Variants in SUCLG2 observed in about 807,000 individuals in gnomAD.
SUCLG2 encodes the protein succinate-CoA ligase GDP-forming subunit beta, also known as succinate--CoA ligase [GDP-forming] subunit beta, mitochondrial.
SUCLG2 carries 42 observed loss-of-function variants against 47.9 expected under a neutral mutation model. That is an observed-to-expected ratio of 0.88 (90% confidence interval 0.69 to 1.14). The LOEUF (loss-of-function observed/expected upper bound fraction) is 1.14. Ranked by LOEUF, SUCLG2 falls within the 50% of genes most tolerant of loss-of-function variation. The probability of loss-of-function intolerance (pLI) is 0.00; values close to 1 mark genes in which losing one functional copy is unlikely to be tolerated. For synonymous variants in SUCLG2, 195 were observed against 197.3 expected (o/e 0.99, Z 0.10); for missense variants, 571 against 525.9 (o/e 1.09, Z -0.84).
At chr3:67,615,269 T>C (rs912430948) in intron 1 of SUCLG2, among the ~76,000 whole-genome samples, 4 of 148,536 alleles carry the variant, frequency 2.7e-5, no homozygotes, top group Non-Finnish European at 5.9e-5. Flanking sequence ...AAAAATGACA[T>C]GCCCAAGAAA....
rs1415377366 is a variant in SUCLG2, at chr3:67,360,466, C to G, written c.*163G>C. 1.0e-5 allele frequency: 7 copies of G among 666,740 alleles called. No individual in the cohort carries two copies. The East Asian group carries it at 2.0e-4, about 19-fold the overall frequency. 41.3% of individuals were successfully genotyped at this position (666,740 alleles called of 1,614,324 possible). ...CTTGCATACATTACCTACCTGGACA[C>G]AATTCTAAAATATTTTTGGTGAATG... On this transcript the variant is annotated 3_prime_UTR_variant, in exon 11 of 11. Transcript: ENST00000493112.
At chr3:67,467,716 G>A (rs1304803584) in intron 9 of SUCLG2, among the ~76,000 whole-genome samples, 1 of 152,064 alleles carries the variant, frequency 6.6e-6, no homozygotes, top group Admixed American at 6.6e-5. Context: ...TATGGTAGGA[G>A]ACGTATATGT....
At chr3:67,422,074 C>G (rs1022945547) in intron 9 of SUCLG2, among the ~76,000 whole-genome samples, 2 of 152,188 alleles carry the variant, frequency 1.3e-5, no homozygotes, top group African/African-American at 4.8e-5. Flanking sequence ...AACTGAATGG[C>G]TGTCAGCCCT....
At chr3:67,590,578 C>T (rs572128753) in intron 2 of SUCLG2, among the ~76,000 whole-genome samples, 67 of 152,308 alleles carry the variant, frequency 4.4e-4, no homozygotes, top group African/African-American at 1.6e-3. Flanking sequence ...TGCTCCCTCT[C>T]TCACCATGTG....
At chr3:67,368,681 C>T (rs1194904844) in intron 10 of SUCLG2, among the ~76,000 whole-genome samples, 1 of 152,270 alleles carries the variant, frequency 6.6e-6, no homozygotes, top group African/African-American at 2.4e-5. Context: ...TCTTGGCTCA[C>T]TGAAACCTCC....
chr3:67,634,261 C>A (rs935602597), intron 1 of SUCLG2, among the ~76,000 whole-genome samples: 1 of 152,162 alleles, frequency 6.6e-6, no homozygotes, highest in Non-Finnish European at 1.5e-5. Context: ...AGGACCACTA[C>A]CATCACCAAG....
intron 9 of SUCLG2, among the ~76,000 whole-genome samples, chr3:67,410,970 C>A (rs907411839): frequency 6.6e-6 from 1 of 152,120 alleles, no homozygotes. Context: ...ATATTTTGTT[C>A]AATCATCTCA....
chr3:67,620,979 G>C (rs1209591052), intron 1 of SUCLG2, among the ~76,000 whole-genome samples: 1 of 152,198 alleles, frequency 6.6e-6, no homozygotes, highest in East Asian at 1.9e-4. Flanking sequence ...TTTCTGTTTG[G>C]AGAATAAAAC....
At chr3:67,472,941 A>G (rs1704640759) in intron 9 of SUCLG2, among the ~76,000 whole-genome samples, 1 of 152,192 alleles carries the variant, frequency 6.6e-6, no homozygotes, top group Non-Finnish European at 1.5e-5. Context: ...GACTAAAAGT[A>G]TAAGGGTGTA....
rs77251065 is a variant in SUCLG2, at chr3:67,492,364, C to T, written c.1062+3434G>A. On this transcript the variant is annotated intron_variant, in intron 9 of 10. Transcript: ENST00000307227. ...CATATTCCAGATGTTACATTTGCTACACCTTTGGAATTCTAAGTTCAGAAT... is the reference window on the plus strand; with the variant it reads ...CATATTCCAGATGTTACATTTGCTATACCTTTGGAATTCTAAGTTCAGAAT... 3.4e-3 allele frequency among the ~76,000 whole-genome samples: 525 copies of T among 152,272 alleles called. 1 individual carries two copies. The highest frequency in any genetic ancestry group is 6.4e-3 in the Non-Finnish European group (438 of 68,028).
intron 2 of SUCLG2, among the ~76,000 whole-genome samples, chr3:67,580,840 A>G (rs955607127): frequency 2.6e-5 from 4 of 152,192 alleles, no homozygotes; most frequent in African/African-American, 9.6e-5. Context: ...AGTGTAACCC[A>G]ATAAATGTCA....
intron 6 of SUCLG2, among the ~76,000 whole-genome samples, chr3:67,517,348 T>C (rs532581210): frequency 6.6e-6 from 1 of 152,334 alleles, no homozygotes; most frequent in East Asian, 1.9e-4. Flanking sequence ...TACTGTCTTA[T>C]GGGAATAGTG....
At chr3:67,513,568 G>A (rs539457651) in intron 6 of SUCLG2, among the ~76,000 whole-genome samples, 1 of 152,316 alleles carries the variant, frequency 6.6e-6, no homozygotes, top group African/African-American at 2.4e-5. Context: ...CAGACAGAAT[G>A]TGTGTGACCA....
chr3:67,490,713 C>T (rs1264234272), intron 9 of SUCLG2, among the ~76,000 whole-genome samples: 1 of 152,176 alleles, frequency 6.6e-6, no homozygotes. Flanking sequence ...TTTCACTATG[C>T]TTTAGAAAGG....
At chr3:67,577,410 A>C (rs182561499) in intron 2 of SUCLG2, among the ~76,000 whole-genome samples, 1 of 152,234 alleles carries the variant, frequency 6.6e-6, no homozygotes, top group Non-Finnish European at 1.5e-5. Flanking sequence ...CTCAGAGCAG[A>C]GCTTGGTTCA....
chr3:67,538,542 G>A (rs535589999), intron 2 of SUCLG2, among the ~76,000 whole-genome samples: 2 of 152,188 alleles, frequency 1.3e-5, no homozygotes, highest in Middle Eastern at 3.4e-3. Flanking sequence ...TGTTTTAGGG[G>A]CCCTTTCCTG....
intron 7 of SUCLG2, among the ~76,000 whole-genome samples, chr3:67,507,884 T>A (rs1165830563): frequency 6.6e-6 from 1 of 152,224 alleles, no homozygotes; most frequent in East Asian, 1.9e-4. Flanking sequence ...GGTATCCCTA[T>A]CCTATCCACC....
intron 7 of SUCLG2, among the ~76,000 whole-genome samples, chr3:67,501,912 T>C (rs999605570): frequency 3.3e-5 from 5 of 152,118 alleles, no homozygotes; most frequent in Non-Finnish European, 5.9e-5. Flanking sequence ...AAAAATAAGA[T>C]AAAAAATAAA....
intron 10 of SUCLG2, among the ~76,000 whole-genome samples, chr3:67,386,987 C>T (rs1488611430): frequency 1.6e-4 from 24 of 152,270 alleles, no homozygotes; most frequent in Non-Finnish European, 4.4e-5. Context: ...CTCTTTGTAT[C>T]TCTTTCTTCT....
Sources: gnomAD v4.1 joint callset for allele counts (sites outside exome capture counted in the v4.1 genomes callset) on GRCh38, gnomAD v4.1.1 for gene constraint, MANE v1.5 for transcripts, NCBI Gene and HGNC (gene_info 2026-07-23, HGNC 2026-07-21) for gene names.